The following PPP4R1 variants were observed in gnomAD, a reference collection of about 807,000 sequenced individuals.
PPP4R1 encodes the protein serine/threonine-protein phosphatase 4 regulatory subunit 1.
Under a neutral mutation model 111.2 loss-of-function variants are expected in PPP4R1, and 42 were observed. That is an observed-to-expected ratio of 0.38 (90% CI 0.29 to 0.49). The LOEUF (loss-of-function observed/expected upper bound fraction) is 0.49. Among genes scored for constraint, PPP4R1 ranks in the 20% least tolerant of loss-of-function variants. The probability of loss-of-function intolerance (pLI) is 0.97; values close to 1 mark genes in which losing one functional copy is unlikely to be tolerated. For synonymous variants in PPP4R1, 409 were observed against 405.5 expected, an observed-to-expected ratio of 1.01 and a Z score of -0.10; for missense variants, 1,012 against 1,161.6, an observed-to-expected ratio of 0.87 and a Z score of 1.87.
chr18:9,552,629 A>G (rs2066507342), intron 16 of PPP4R1, among the ~76,000 whole-genome samples: 1 of 152,234 alleles, frequency 6.6e-6, no homozygotes, highest in Non-Finnish European at 1.5e-5. Context: ...GAAATTAAAC[A>G]CAGAATTACC....
At chr18:9,563,640 A>G (rs2066714913) in intron 11 of PPP4R1, 90 bp from the exon 12 acceptor site, 1 of 1,195,010 alleles carries the variant, frequency 8.4e-7, no homozygotes, top group Non-Finnish European at 1.1e-6. Context: ...TACGTTATCA[A>G]TGAAATATAT....
rs546406477 is a variant in PPP4R1, at chr18:9,548,564, T to C, written c.2690-612A>G. 3.9e-4 allele frequency among the ~76,000 whole-genome samples: 60 copies of C among 152,246 alleles called. No homozygotes were observed. The South Asian group carries it at 0.01, about 26-fold the overall frequency. ...TAGGTACCAGCCCCCATACTGCAGA[T>C]TGCAAGTGGCACGCTGCCAGGCAAT... On this transcript the variant is annotated intron_variant, in intron 19 of 19. Transcript: ENST00000400556.
chr18:9,576,798 C>T (rs1375181751), intron 10 of PPP4R1, among the ~76,000 whole-genome samples: 2 of 152,068 alleles, frequency 1.3e-5, no homozygotes, highest in African/African-American at 4.8e-5. Context: ...TCATAATCTA[C>T]CATTTAGAGT....
At position 9,561,976 on chromosome 18, in the gene PPP4R1, T is replaced by G; in HGVS notation, c.1842+4A>C. On this transcript the variant is annotated splice_donor_region_variant and intron_variant, in intron 13 of 19. Coordinates refer to ENST00000400556, the MANE Select transcript of PPP4R1 (RefSeq NM_001042388.3). ...ACAAAAGAACACATTTTTTGGTCAC[T>G]TACTTGTACTTTAGTTCTCCTTTCC... 6.2e-7 allele frequency: 1 copy of G among 1,602,906 alleles called. No homozygotes were observed. Among genetic ancestry groups the G allele is most frequent in the African/African-American group, 1.3e-5 (1 of 74,732 alleles).
At chr18:9,559,278 A>T in intron 14 of PPP4R1, 141 bp downstream of exon 14, 1 of 826,044 alleles carries the variant, frequency 1.2e-6, no homozygotes, top group South Asian at 3.6e-5. Context: ...CTCTGTTATT[A>T]CTCTTAAGCT....
chr18:9,555,972 T>TA (rs1173316431), intron 15 of PPP4R1, among the ~76,000 whole-genome samples: 35 of 133,042 alleles, frequency 2.6e-4, no homozygotes, highest in East Asian at 1.0e-3. Flanking sequence ...CCATCTCTAC[T>TA]AAAACAAACA....
At chr18:9,589,052 C>A (rs1002939163) in intron 4 of PPP4R1, among the ~76,000 whole-genome samples, 199 bp from the exon 5 acceptor site, 2 of 152,204 alleles carry the variant, frequency 1.3e-5, no homozygotes, top group Admixed American at 1.3e-4. Context: ...ACCTTATCTT[C>A]AATCCAAGCT....
At chr18:9,602,601 T>C (rs1267078237) in intron 2 of PPP4R1, among the ~76,000 whole-genome samples, 2 of 150,990 alleles carry the variant, frequency 1.3e-5, no homozygotes, top group South Asian at 2.1e-4. Context: ...GACTCACACC[T>C]TTAATCCCAG....
chr18:9,590,363 G>C (rs192492214), intron 4 of PPP4R1, among the ~76,000 whole-genome samples: 8 of 152,236 alleles, frequency 5.3e-5, no homozygotes, highest in Non-Finnish European at 8.8e-5. Context: ...GAACAAAATA[G>C]AGTGTTTCTG....
intron 9 of PPP4R1, among the ~76,000 whole-genome samples, chr18:9,578,047 G>A (rs934030704): frequency 2.0e-5 from 3 of 152,138 alleles, no homozygotes; most frequent in African/African-American, 7.2e-5. Context: ...TAGGAGGGGT[G>A]ATAAAGAAGT....
At chr18:9,567,253 A>G (rs1251290273) in intron 11 of PPP4R1, among the ~76,000 whole-genome samples, 1 of 152,226 alleles carries the variant, frequency 6.6e-6, no homozygotes, top group Non-Finnish European at 1.5e-5. Flanking sequence ...ACTTCAGTGG[A>G]GGAAGTAACT....
rs572437532 is a variant in PPP4R1 at position 9,614,037 on chromosome 18, G to C, written c.52+189C>G. ...ACTCCGGGCGTCTCCCTCCCCCAGC[G>C]GAACCTGGGCGCGCCGTTTCCTCAC... On this transcript the variant is annotated intron_variant, in intron 2 of 19. Coordinates refer to ENST00000400556, the MANE Select transcript of PPP4R1 (RefSeq NM_001042388.3). The surrounding 1 kb of genome is among the most constrained non-coding windows in gnomAD (Gnocchi z 4.1). The C allele has an allele frequency of 5.6e-4, 204 of 365,980 alleles. No individual in the cohort carries two copies. Among genetic ancestry groups the C allele is most frequent in the Non-Finnish European group, 8.4e-4 (187 of 221,412 alleles). 22.7% of individuals were successfully genotyped at this position (365,980 alleles called of 1,614,324 possible).
intron 5 of PPP4R1, among the ~76,000 whole-genome samples, 172 bp from the exon 6 acceptor site, chr18:9,588,407 C>T (rs1437260719): frequency 2.0e-5 from 3 of 152,178 alleles, no homozygotes; most frequent in African/African-American, 7.2e-5. Flanking sequence ...TACAGAACTT[C>T]GTAGATTGTG....
intron 11 of PPP4R1, among the ~76,000 whole-genome samples, chr18:9,565,916 T>A (rs11081483): frequency 0.22 from 33,281 of 148,290 alleles, 3,958 homozygotes; most frequent in Non-Finnish European, 0.26. Flanking sequence ...AAACAACAAA[T>A]TTTTTTTTTT....
chr18:9,614,902 T>G (rs2067667190), upstream of PPP4R1: 1 of 150,378 alleles, frequency 6.6e-6, no homozygotes. This position sits in a 1 kb window ranked among gnomAD's most constrained non-coding sequence, Gnocchi z 4.1. Context: ...GGGCGGGGCC[T>G]CCCGCGGCCC....
chr18:9,570,705 G>A, intron 10 of PPP4R1, 22 bp from the exon 11 acceptor site: 43 of 1,480,118 alleles, frequency 2.9e-5, no homozygotes, highest in South Asian at 9.9e-5. Context: ...TTATTTGGTG[G>A]GAAAAAAACA....
chr18:9,616,024 A>G (rs1189258252), upstream of PPP4R1, among the ~76,000 whole-genome samples: 2 of 152,192 alleles, frequency 1.3e-5, no homozygotes, highest in African/African-American at 4.8e-5. Context: ...AATTTTCTCA[A>G]CTATAAAATA....
At position 9,588,858 on chromosome 18, in the gene PPP4R1, T is replaced by G; in HGVS notation, c.296-5A>C. On this transcript the variant is annotated splice_region_variant and splice_polypyrimidine_tract_variant and intron_variant, in intron 4 of 19. Transcript: ENST00000400556. ...GCTCCGCTCTCACAGTTGGTTCTAT[T>G]GAAATAACGGCAATGTGAGCAAACA... 2 of 1,611,520 alleles carry G rather than the reference T, an allele frequency of 1.2e-6. No individual in the cohort carries two copies. The highest frequency in any genetic ancestry group is 4.5e-5 in the East Asian group (2 of 44,846).
At position 9,583,168 on chromosome 18, in the gene PPP4R1, C is replaced by G. The variant is rs1446829359; in HGVS notation, c.867G>C (p.Arg289=). The G allele has an allele frequency of 2.5e-6, 4 of 1,611,936 alleles. No individual in the cohort carries two copies. The highest frequency in any genetic ancestry group is 2.7e-5 in the African/African-American group (2 of 74,886). ...TAATAAAAAGTGCTGATAATTTGGT[C>G]CGTCGGATTTCTTGACATGTTGCAC... is the stretch of plus-strand genomic sequence containing the variant. ...VSCATCQEIR[R]TKLSALFINL... The change falls in exon 9 of 20, where the codon CGG becomes CGC. Residue 289 remains arginine, a synonymous_variant. Coordinates refer to ENST00000400556, the MANE Select transcript of PPP4R1 (RefSeq NM_001042388.3).
Sources: allele counts gnomAD v4.1 joint callset (sites outside exome capture counted in the v4.1 genomes callset), GRCh38; gene constraint gnomAD v4.1.1; non-coding constraint Gnocchi (gnomAD v3.1); transcripts MANE v1.5; gene names NCBI Gene and HGNC (gene_info 2026-07-23, HGNC 2026-07-21).